Variants in GRIN2B observed in about 807,000 individuals in gnomAD.
GRIN2B encodes glutamate receptor ionotropic, NMDA 2B.
GRIN2B carries 5 observed loss-of-function variants against 114.5 expected under a neutral mutation model. That is an observed-to-expected ratio of 0.04 (90% CI 0.02 to 0.09). GRIN2B has a LOEUF of 0.09. GRIN2B is among the 10% of genes least tolerant of loss of function. GRIN2B has a pLI of 1.00. For missense variants in GRIN2B, 1,108 were observed against 1,943.5 expected, an observed-to-expected ratio of 0.57 and a Z score of 8.08; for synonymous variants, 787 against 745.1, an observed-to-expected ratio of 1.06 and a Z score of -0.92.
rs925956017 is a variant in GRIN2B at position 13,545,527 on chromosome 12, T to A, written c.*17256A>T. 7 of 151,980 alleles carry A rather than the reference T, an allele frequency of 4.6e-5. No individual in the cohort carries two copies. Among genetic ancestry groups the A allele is most frequent in the Non-Finnish European group, 1.0e-4 (7 of 68,008 alleles). The allele number at this position is 151,980 out of a possible 1,614,324, so 9.4% of individuals were successfully genotyped here. A position where few individuals can be genotyped will look rare whatever the true frequency, so the allele number is the denominator to read the frequency against. ...GACCAAATATCCCCAAAATAAGAGC[T>A]CCAGTAAACAAAACAATGCAAGCAA... On this transcript the variant is annotated 3_prime_UTR_variant, in exon 14 of 14. Coordinates refer to ENST00000609686, the MANE Select transcript of GRIN2B (RefSeq NM_000834.5).
chr12:13,825,375 A>T (rs963163770), intron 3 of GRIN2B, among the ~76,000 whole-genome samples: 1 of 151,048 alleles, frequency 6.6e-6, no homozygotes, highest in Non-Finnish European at 1.5e-5. Context: ...TAACATATAA[A>T]CTAGAAAAGA....
intron 2 of GRIN2B, among the ~76,000 whole-genome samples, chr12:13,912,638 G>T (rs1185532339): frequency 1.3e-5 from 2 of 152,220 alleles, no homozygotes; most frequent in Non-Finnish European, 2.9e-5. Context: ...GGCCACTGCA[G>T]TATGGAAGGA....
intron 3 of GRIN2B, among the ~76,000 whole-genome samples, chr12:13,852,698 A>G (rs1210818637): frequency 6.6e-6 from 1 of 151,482 alleles, no homozygotes; most frequent in African/African-American, 2.4e-5. Flanking sequence ...TGAGGAAAAA[A>G]AAAAAAAAAA....
chr12:13,859,529 C>G (rs1422560146), intron 3 of GRIN2B, among the ~76,000 whole-genome samples: 1 of 152,196 alleles, frequency 6.6e-6, no homozygotes, highest in Admixed American at 6.5e-5. Flanking sequence ...GCACTGCCTA[C>G]CCATCTTTCC....
intron 4 of GRIN2B, among the ~76,000 whole-genome samples, chr12:13,687,839 T>C (rs1950184915): frequency 6.6e-6 from 1 of 152,196 alleles, no homozygotes; most frequent in Non-Finnish European, 1.5e-5. Flanking sequence ...TGACTGACAT[T>C]TTTCCCCTCT....
intron 4 of GRIN2B, among the ~76,000 whole-genome samples, chr12:13,692,903 G>A (rs1266127709): frequency 1.3e-5 from 2 of 150,810 alleles, no homozygotes; most frequent in South Asian, 2.1e-4. Flanking sequence ...CGAGTAGCTG[G>A]GATTACAGGC....
intron 2 of GRIN2B, chr12:13,977,416 A>G (rs1402510512): frequency 1.3e-5 from 2 of 152,336 alleles, no homozygotes; most frequent in Non-Finnish European, 2.9e-5. Flanking sequence ...TGAAACAGAC[A>G]TAGAAGATAA....
intron 2 of GRIN2B, among the ~76,000 whole-genome samples, chr12:13,967,091 AT>A (rs1346543782): frequency 6.6e-6 from 1 of 152,086 alleles, no homozygotes; most frequent in East Asian, 1.9e-4. Context: ...AATACAACTC[AT>A]TTCACCTTCT....
intron 5 of GRIN2B, among the ~76,000 whole-genome samples, chr12:13,667,379 G>A (rs531371905): frequency 6.6e-6 from 1 of 152,014 alleles, no homozygotes; most frequent in Non-Finnish European, 1.5e-5. Flanking sequence ...TTCCAGAATC[G>A]ATATAAACAA....
chr12:13,731,427 G>A (rs1485167264), intron 4 of GRIN2B, among the ~76,000 whole-genome samples: 2 of 152,050 alleles, frequency 1.3e-5, no homozygotes, highest in Non-Finnish European at 2.9e-5. Context: ...GTGAAACCCC[G>A]TGTCCACTAA....
At chr12:13,616,985 A>G (rs975217932) in intron 5 of GRIN2B, among the ~76,000 whole-genome samples, 1 of 152,226 alleles carries the variant, frequency 6.6e-6, no homozygotes, top group Non-Finnish European at 1.5e-5. Context: ...GTGGAGTCAG[A>G]TATGTAAACA....
chr12:13,646,619 TTTC>T (rs770668049), intron 5 of GRIN2B, among the ~76,000 whole-genome samples: 18 of 152,078 alleles, frequency 1.2e-4, no homozygotes, highest in South Asian at 2.1e-4. Flanking sequence ...AAGCTTTCGC[TTTC>T]TTCTTCTTCC....
chr12:13,718,717 C>G (rs1353081712), intron 4 of GRIN2B, among the ~76,000 whole-genome samples: 1 of 152,052 alleles, frequency 6.6e-6, no homozygotes, highest in East Asian at 1.9e-4. Context: ...ACTCTGTCAC[C>G]TAAGGTTGAA....
intron 2 of GRIN2B, among the ~76,000 whole-genome samples, chr12:13,883,932 T>C (rs1359030676): frequency 1.3e-5 from 2 of 152,178 alleles, no homozygotes; most frequent in Non-Finnish European, 2.9e-5. Context: ...TAATTATAGT[T>C]CTATGATACA....
chr12:13,704,764 T>C (rs1241561897), intron 4 of GRIN2B, among the ~76,000 whole-genome samples: 2 of 152,214 alleles, frequency 1.3e-5, no homozygotes, highest in African/African-American at 4.8e-5. Context: ...AACGAATTAA[T>C]ACAGGTAAAA....
chr12:13,562,420 C>T lies in GRIN2B; in HGVS notation c.*363G>A. On this transcript the variant is annotated 3_prime_UTR_variant, in exon 14 of 14. Transcript: ENST00000609686. Reference sequence around the variant, plus strand: ...GTGCTCACATAGCCTCTTTTTGGTTCTCCCAGCTTCACTCAAAGAGGATAT... The same window carrying T: ...GTGCTCACATAGCCTCTTTTTGGTTTTCCCAGCTTCACTCAAAGAGGATAT... 4.0e-6 allele frequency: 1 copy of T among 251,046 alleles called. No individual in the cohort carries two copies. 15.6% of individuals were successfully genotyped at this position (251,046 alleles called of 1,614,324 possible).
At chr12:13,924,015 G>C (rs984820637) in intron 2 of GRIN2B, among the ~76,000 whole-genome samples, 1 of 152,164 alleles carries the variant, frequency 6.6e-6, no homozygotes, top group Non-Finnish European at 1.5e-5. Context: ...CAGTTTTGGA[G>C]AGAATGAAGA....
chr12:13,565,144 CTT>C (rs1434215615), intron 13 of GRIN2B, among the ~76,000 whole-genome samples: 10 of 152,316 alleles, frequency 6.6e-5, no homozygotes, highest in African/African-American at 2.4e-4. Flanking sequence ...AACTGTCACT[CTT>C]TTCTAGCTCT....
intron 2 of GRIN2B, among the ~76,000 whole-genome samples, chr12:13,912,734 T>C (rs1166621258): frequency 1.3e-5 from 2 of 152,184 alleles, no homozygotes; most frequent in Non-Finnish European, 2.9e-5. Context: ...TTTCCTCATC[T>C]GTAAAATGAG....
Sources: gnomAD v4.1 joint callset for allele counts (sites outside exome capture counted in the v4.1 genomes callset) on GRCh38, gnomAD v4.1.1 for gene constraint, MANE v1.5 for transcripts, NCBI Gene and HGNC (gene_info 2026-07-23, HGNC 2026-07-21) for gene names.